The following PON2 variants were observed in gnomAD, a reference collection of about 807,000 sequenced individuals.
PON2 encodes the protein paraoxonase 2.
Under a neutral mutation model 36.6 loss-of-function variants are expected in PON2, and 27 were observed. The ratio of observed to expected loss-of-function variants is 0.74; its 90% CI spans 0.54 to 1.02. The LOEUF (loss-of-function observed/expected upper bound fraction) is 1.02. Among genes scored for constraint, PON2 ranks in the 50% least tolerant of loss-of-function variants. PON2 has a pLI of 0.00. For synonymous variants in PON2, 149 were observed against 156.3 expected (o/e 0.95, Z 0.35); for missense variants, 363 against 421.1 (o/e 0.86, Z 1.21).
Position 95,409,729 on chromosome 7 carries a change from AAT to A in PON2, c.695+170_695+171del, listed in dbSNP as rs1305540576. 3 of 208,918 alleles carry A rather than the reference AAT, an allele frequency of 1.4e-5. No homozygotes were observed. In the East Asian group the frequency reaches 3.6e-4, roughly 25 times the overall value. 12.9% of individuals were successfully genotyped at this position (208,918 alleles called of 1,614,324 possible). On this transcript the variant is annotated intron_variant, in intron 6 of 8. Transcript: ENST00000222572. ...AAATACATGTGACTAAGTATATGTA[AAT>A]ATATATACAAAACATATATAATTAT...
intron 7 of PON2, among the ~76,000 whole-genome samples, chr7:95,406,478 T>C (rs1161528865): frequency 1.3e-5 from 2 of 152,194 alleles, no homozygotes; most frequent in Non-Finnish European, 2.9e-5. Flanking sequence ...TAAAAATCTA[T>C]CTTAAAAACT....
chr7:95,424,307 C>A, intron 2 of PON2: 1 of 580,630 alleles, frequency 1.7e-6, no homozygotes, highest in East Asian at 2.9e-5. Flanking sequence ...GAATTACACA[C>A]AAAAAAGAAT....
chr7:95,409,921 G>A lies in PON2; in HGVS notation c.675C>T (p.Ile225=), dbSNP rs528805572. 1 of 1,613,302 alleles carries A rather than the reference G, an allele frequency of 6.2e-7. No homozygotes were observed. Among genetic ancestry groups the A allele is most frequent in the Admixed American group, 1.7e-5 (1 of 59,994 alleles). Residue 225 remains isoleucine (I), a synonymous_variant, in exon 6 of 9, where the codon ATC becomes ATT. Transcript: ENST00000222572. ...VAEGFDSANG[I]NISPDDKYIY... ...CATACTTATCATCAGGTGAAATATT[G>A]ATCCCATTTGCTGAATCAAATCCTT... is the stretch of plus-strand genomic sequence containing the variant.
At chr7:95,431,765 G>C (rs372069731) in intron 1 of PON2, among the ~76,000 whole-genome samples, 3 of 151,990 alleles carry the variant, frequency 2.0e-5, no homozygotes, top group African/African-American at 7.2e-5. Context: ...ACCAAATTCT[G>C]ACAGAAGGCA....
chr7:95,405,157 C>T lies in PON2; in HGVS notation c.*173G>A, dbSNP rs374164803. On this transcript the variant is annotated 3_prime_UTR_variant, in exon 9 of 9. Coordinates refer to ENST00000222572, the MANE Select transcript of PON2 (RefSeq NM_000305.3). ...GCATTTTAAAGAACCTGTTCATTTT[C>T]CTTTTTTGTTAAAAGTGCTCTAAGA... The T allele has an allele frequency of 6.2e-6, 4 of 642,966 alleles. No individual in the cohort carries two copies. Among genetic ancestry groups the T allele is most frequent in the African/African-American group, 5.5e-5 (3 of 54,648 alleles). 39.8% of individuals were successfully genotyped at this position (642,966 alleles called of 1,614,324 possible). A position where few individuals can be genotyped will look rare whatever the true frequency, so the allele number is the denominator to read the frequency against.
At chr7:95,424,688 C>G in intron 1 of PON2, 103 bp from the exon 2 acceptor site, 1 of 841,104 alleles carries the variant, frequency 1.2e-6, no homozygotes, top group Non-Finnish European at 1.9e-6. Context: ...ATACATAAAA[C>G]ACAGTTTAAG....
At chr7:95,411,057 T>C (rs896664355) in intron 5 of PON2, among the ~76,000 whole-genome samples, 1 of 152,132 alleles carries the variant, frequency 6.6e-6, no homozygotes, top group Non-Finnish European at 1.5e-5. Context: ...AGCAGTAGGC[T>C]AATACACACT....
At chr7:95,417,690 GACACACACACACACAC>G (rs555142509) in intron 2 of PON2, among the ~76,000 whole-genome samples, 4 of 93,814 alleles carry the variant, frequency 4.3e-5, no homozygotes, top group African/African-American at 7.4e-5. Flanking sequence ...TGTACACACA[GACACACACACACACAC>G]ACACACACAC....
chr7:95,415,822 G>A (rs17876196), intron 3 of PON2: 2,371 of 188,086 alleles, frequency 0.013, 34 homozygotes, highest in South Asian at 0.046. Context: ...CATGGTGGCG[G>A]GCGCCTGTAA....
intron 6 of PON2, among the ~76,000 whole-genome samples, chr7:95,409,181 G>A (rs149723307): frequency 0.011 from 1,609 of 152,114 alleles, 28 homozygotes; most frequent in African/African-American, 0.036. Context: ...GCATGGTGGC[G>A]CATGCCTATA....
chr7:95,405,594 G>T, intron 8 of PON2, 106 bp from the exon 9 acceptor site: 2 of 1,136,884 alleles, frequency 1.8e-6, no homozygotes, highest in Non-Finnish European at 2.6e-6. Context: ...AAGGGGACAT[G>T]CTGTTGAAAA....
intron 7 of PON2, 28 bp downstream of exon 7, chr7:95,406,957 ACT>A: frequency 7.8e-7 from 1 of 1,288,316 alleles, no homozygotes. Context: ...ATAATAGATT[ACT>A]GTCTATATGT....
At chr7:95,417,958 TTAA>T (rs1789108971) in intron 2 of PON2, among the ~76,000 whole-genome samples, 1 of 152,206 alleles carries the variant, frequency 6.6e-6, no homozygotes, top group South Asian at 2.1e-4. Flanking sequence ...TGTATATTTT[TTAA>T]TAATTAAGGA....
At chr7:95,428,841 T>C (rs890651988) in intron 1 of PON2, among the ~76,000 whole-genome samples, 1 of 152,206 alleles carries the variant, frequency 6.6e-6, no homozygotes, top group Admixed American at 6.5e-5. Flanking sequence ...ATTGTCTACA[T>C]AGATGACATT....
At chr7:95,429,970 G>C (rs1335989832) in intron 1 of PON2, among the ~76,000 whole-genome samples, 1 of 152,074 alleles carries the variant, frequency 6.6e-6, no homozygotes, top group African/African-American at 2.4e-5. Flanking sequence ...ACCTGGCTGA[G>C]GCGACAGGTT....
chr7:95,420,565 T>C (rs1789169143), intron 2 of PON2, among the ~76,000 whole-genome samples: 1 of 152,234 alleles, frequency 6.6e-6, no homozygotes, highest in Non-Finnish European at 1.5e-5. Flanking sequence ...CTATGATTTA[T>C]TAAAGCAGAC....
At position 95,411,934 on chromosome 7, in the gene PON2, G is replaced by A. The variant is rs547939965; in HGVS notation, c.368-155C>T. On this transcript the variant is annotated intron_variant, in intron 4 of 8. Transcript: ENST00000222572. Reference sequence around the variant, plus strand: ...TTCTCTGTCTTTCCTATTGCTGTCCGTCTGGTGTTATTTCTGATCATTGGC... The same window carrying A: ...TTCTCTGTCTTTCCTATTGCTGTCCATCTGGTGTTATTTCTGATCATTGGC... Among the ~76,000 whole-genome samples, 15 of 152,278 alleles carry A rather than the reference G, an allele frequency of 9.9e-5. 1 individual carries two copies. Among genetic ancestry groups the A allele is most frequent in the South Asian group, 2.1e-4 (1 of 4,824 alleles).
intron 2 of PON2, among the ~76,000 whole-genome samples, chr7:95,416,996 T>C (rs1789078225): frequency 6.6e-6 from 1 of 152,186 alleles, no homozygotes; most frequent in Non-Finnish European, 1.5e-5. Flanking sequence ...AGCAAATAAT[T>C]AGACATAAGA....
At chr7:95,411,178 G>A (rs948189593) in intron 5 of PON2, among the ~76,000 whole-genome samples, 2 of 152,078 alleles carry the variant, frequency 1.3e-5, no homozygotes, top group Admixed American at 1.3e-4. Flanking sequence ...AATTCTGTGG[G>A]ATTACTAGCA....
Sources: allele counts gnomAD v4.1 joint callset (sites outside exome capture counted in the v4.1 genomes callset), GRCh38; gene constraint gnomAD v4.1.1; transcripts MANE v1.5; gene names NCBI Gene and HGNC (gene_info 2026-07-23, HGNC 2026-07-21).